ERC1: variants seen among roughly 807,000 people sequenced by gnomAD.
ERC1 encodes ELKS/RAB6-interacting/CAST family member 1.
In ERC1, 56 loss-of-function variants were observed where a neutral mutation model predicts 132.0. The ratio of observed to expected loss-of-function variants is 0.42; its 90% CI spans 0.34 to 0.53. The LOEUF (loss-of-function observed/expected upper bound fraction) is 0.53. Ranked by LOEUF, ERC1 falls within the 20% of genes least tolerant of loss-of-function variation. ERC1 has a pLI of 0.03. For synonymous variants in ERC1, 478 were observed against 476.1 expected (o/e 1.00, Z -0.05); for missense variants, 1,202 against 1,349.9 (o/e 0.89, Z 1.72).
chr12:1,484,187 C>T (rs1233959305), intron 18 of ERC1, among the ~76,000 whole-genome samples: 3 of 151,872 alleles, frequency 2.0e-5, no homozygotes, highest in Admixed American at 6.5e-5. Flanking sequence ...CACCTGTAGT[C>T]CCAGCTACTC....
chr12:1,180,752 A>C, intron 9 of ERC1, 75 bp downstream of exon 9: 1 of 1,555,572 alleles, frequency 6.4e-7, no homozygotes, highest in Non-Finnish European at 8.8e-7. Context: ...TAGAATACAA[A>C]AGAAATCCCT....
intron 16 of ERC1, among the ~76,000 whole-genome samples, chr12:1,385,321 C>T (rs997196890): frequency 3.3e-5 from 5 of 151,960 alleles, no homozygotes; most frequent in Non-Finnish European, 7.4e-5. Context: ...CTCGCTCTGT[C>T]GCCCAGGCTG....
intron 17 of ERC1, among the ~76,000 whole-genome samples, chr12:1,415,944 A>T (rs977027874): frequency 6.6e-6 from 1 of 152,074 alleles, no homozygotes; most frequent in African/African-American, 2.4e-5. Flanking sequence ...ATCTTATCTC[A>T]TACAGGGCTC....
At chr12:1,020,958 G>C (rs915879018) in intron 1 of ERC1, among the ~76,000 whole-genome samples, 3 of 152,118 alleles carry the variant, frequency 2.0e-5, no homozygotes, top group African/African-American at 7.2e-5. Context: ...TCTTTTGTTT[G>C]AGATGGAGTC....
chr12:1,009,776 AATATT>A (rs1352074098), intron 1 of ERC1, among the ~76,000 whole-genome samples: 9 of 152,196 alleles, frequency 5.9e-5, no homozygotes, highest in African/African-American at 1.9e-4. Flanking sequence ...TTTATCTTAA[AATATT>A]AATATTGATG....
chr12:1,299,773 A>G (rs1028676988), intron 15 of ERC1, among the ~76,000 whole-genome samples: 1 of 152,208 alleles, frequency 6.6e-6, no homozygotes, highest in Non-Finnish European at 1.5e-5. Flanking sequence ...AGGAAGGCAC[A>G]TGAATTGCCA....
chr12:1,248,984 G>T (rs61912027), intron 13 of ERC1, among the ~76,000 whole-genome samples: 1 of 152,118 alleles, frequency 6.6e-6, no homozygotes, highest in African/African-American at 2.4e-5. Context: ...CTGGACTTAA[G>T]CGATTCTCCT....
intron 13 of ERC1, among the ~76,000 whole-genome samples, chr12:1,240,513 T>C (rs1171923086): frequency 6.6e-6 from 1 of 152,216 alleles, no homozygotes; most frequent in Non-Finnish European, 1.5e-5. Context: ...TTTAACCATA[T>C]TTGCGTAGCC....
At chr12:1,383,683 G>T (rs1476767056) in intron 16 of ERC1, among the ~76,000 whole-genome samples, 1 of 152,156 alleles carries the variant, frequency 6.6e-6, no homozygotes, top group African/African-American at 2.4e-5. Context: ...TGCATTCAAG[G>T]ATAATAGGAG....
chr12:1,302,170 T>G (rs927135516), intron 15 of ERC1, among the ~76,000 whole-genome samples: 20 of 152,214 alleles, frequency 1.3e-4, no homozygotes, highest in African/African-American at 4.8e-4. Context: ...GTTGGCCTTA[T>G]TTCTAGAATG....
intron 15 of ERC1, among the ~76,000 whole-genome samples, chr12:1,371,208 C>G (rs2087188285): frequency 6.6e-6 from 1 of 151,906 alleles, no homozygotes; most frequent in African/African-American, 2.4e-5. Flanking sequence ...CCTCTCTCCT[C>G]TGCCTTGCAA....
intron 17 of ERC1, among the ~76,000 whole-genome samples, chr12:1,438,623 T>C (rs2093009921): frequency 6.6e-6 from 1 of 152,170 alleles, no homozygotes; most frequent in African/African-American, 2.4e-5. Flanking sequence ...CAATAAGTCA[T>C]CAATAAATGT....
intron 2 of ERC1, among the ~76,000 whole-genome samples, chr12:1,052,555 C>T (rs1053835945): frequency 2.0e-5 from 3 of 152,044 alleles, no homozygotes; most frequent in African/African-American, 7.2e-5. Context: ...GAAAATAGTG[C>T]TCCATTAACT....
rs571926204 is a variant in ERC1 at position 1,127,942 on chromosome 12, C to T, written c.1569+11909C>T. On this transcript the variant is annotated intron_variant, in intron 7 of 18. Transcript: ENST00000360905. ...AATCTAGTACTATCCTGAGAAAGGT[C>T]GGACGAGAAAAAAATTCCTCCTACC... Among the ~76,000 whole-genome samples, 19 of 152,162 alleles carry T rather than the reference C, an allele frequency of 1.2e-4. No homozygotes were observed. The East Asian group carries it at 2.1e-3, about 17-fold the overall frequency.
chr12:1,294,094 T>TGGG (rs2079721777), intron 15 of ERC1, among the ~76,000 whole-genome samples: 3 of 152,254 alleles, frequency 2.0e-5, no homozygotes, highest in African/African-American at 4.8e-5. Flanking sequence ...AACTATCCCT[T>TGGG]GGGACTCCTC....
rs565654617 is a variant in ERC1 at position 1,051,382 on chromosome 12, C to T, written c.669+22810C>T. 1.2e-3 allele frequency among the ~76,000 whole-genome samples: 186 copies of T among 151,988 alleles called. 1 individual carries two copies. Among genetic ancestry groups the T allele is most frequent in the Non-Finnish European group, 2.4e-3 (160 of 67,982 alleles). ...CATGAATACTAAAATACACTTATCT[C>T]GGTATAATTAGAAATAAAGAAGACT... On this transcript the variant is annotated intron_variant, in intron 2 of 18. Transcript: ENST00000360905.
At chr12:1,346,057 T>G (rs1566642562) in intron 15 of ERC1, among the ~76,000 whole-genome samples, 2 of 152,180 alleles carry the variant, frequency 1.3e-5, no homozygotes, top group Non-Finnish European at 2.9e-5. Context: ...GGCCAGGAAT[T>G]GACTTCAGCC....
At chr12:1,299,722 A>G (rs1052292233) in intron 15 of ERC1, among the ~76,000 whole-genome samples, 1 of 152,136 alleles carries the variant, frequency 6.6e-6, no homozygotes, top group Non-Finnish European at 1.5e-5. Flanking sequence ...AAAGAATTAA[A>G]AAAAAATTGA....
intron 12 of ERC1, among the ~76,000 whole-genome samples, chr12:1,208,153 G>A (rs769264835): frequency 3.3e-5 from 5 of 152,068 alleles, no homozygotes; most frequent in African/African-American, 4.8e-5. Context: ...GATTTACTTC[G>A]GGTCATAGCT....
Sources: gnomAD v4.1 joint callset for allele counts (sites outside exome capture counted in the v4.1 genomes callset) on GRCh38, gnomAD v4.1.1 for gene constraint, MANE v1.5 for transcripts, NCBI Gene and HGNC (gene_info 2026-07-23, HGNC 2026-07-21) for gene names.